MYO9B: variants seen among roughly 807,000 people sequenced by gnomAD.
MYO9B encodes myosin IXB.
In MYO9B, 71 loss-of-function variants were observed where a neutral mutation model predicts 229.5. That is an observed-to-expected ratio of 0.31 (90% CI 0.26 to 0.38). The LOEUF (loss-of-function observed/expected upper bound fraction) is 0.38. Among genes scored for constraint, MYO9B ranks in the 10% least tolerant of loss-of-function variants. MYO9B has a pLI of 1.00. For missense variants in MYO9B, 2,255 were observed against 2,920.5 expected (o/e 0.77, Z 5.25); for synonymous variants, 1,185 against 1,235.8 (o/e 0.96, Z 0.86).
intron 27 of MYO9B, 24 bp from the exon 28 acceptor site, chr19:17,202,106 G>A: frequency 6.2e-7 from 1 of 1,612,792 alleles, no homozygotes; most frequent in Non-Finnish European, 8.5e-7. Flanking sequence ...CAGGCCTGCA[G>A]GGTGACGCCT....
At chr19:17,184,837 C>A in intron 16 of MYO9B, 28 bp from the exon 17 acceptor site, 3 of 1,612,920 alleles carry the variant, frequency 1.9e-6, no homozygotes, top group Non-Finnish European at 2.5e-6. Flanking sequence ...TGTGGGAGGG[C>A]AGGCCGGACC....
At chr19:17,077,258 A>T (rs1415445121) in intron 1 of MYO9B, among the ~76,000 whole-genome samples, 1 of 152,194 alleles carries the variant, frequency 6.6e-6, no homozygotes, top group Non-Finnish European at 1.5e-5. Flanking sequence ...GGGATCTGCC[A>T]GAAGGGCTGG....
At chr19:17,086,604 G>C (rs968622204) in intron 1 of MYO9B, among the ~76,000 whole-genome samples, 6 of 152,214 alleles carry the variant, frequency 3.9e-5, no homozygotes, top group Non-Finnish European at 5.9e-5. Context: ...CCATGGCCAG[G>C]TGCAATGGCT....
intron 2 of MYO9B, among the ~76,000 whole-genome samples, chr19:17,143,473 A>G (rs1303223737): frequency 1.3e-5 from 2 of 152,178 alleles, no homozygotes; most frequent in African/African-American, 4.8e-5. Context: ...GCTGGAGCCC[A>G]TTATCCTTAG....
intron 2 of MYO9B, among the ~76,000 whole-genome samples, chr19:17,140,197 C>T (rs1356680930): frequency 3.9e-5 from 6 of 152,152 alleles, no homozygotes; most frequent in Non-Finnish European, 7.3e-5. Flanking sequence ...CATTGCTGTG[C>T]AGTGCATGAC....
rs2072936999 is a variant in MYO9B, at chr19:17,187,916, T to G, written c.2578-19T>G. On this transcript the variant is annotated intron_variant, in intron 18 of 39. Coordinates refer to ENST00000682292, the MANE Select transcript of MYO9B (RefSeq NM_004145.4). The stretch of plus-strand genomic sequence containing the variant: ...TCAGGTCAAGGCCACCTGCCTGATG[T>G]CTCGCATTCCCATTTCAGAAAGAGC... The G allele has an allele frequency of 1.9e-6, 3 of 1,560,858 alleles. No individual in the cohort carries two copies. The highest frequency in any genetic ancestry group is 2.6e-6 in the Non-Finnish European group (3 of 1,152,038).
At chr19:17,096,490 A>C (rs1053155181) in intron 1 of MYO9B, among the ~76,000 whole-genome samples, 2 of 151,592 alleles carry the variant, frequency 1.3e-5, no homozygotes, top group African/African-American at 2.4e-5. Flanking sequence ...CTCTCTGCAA[A>C]AAAAAAAATA....
intron 2 of MYO9B, among the ~76,000 whole-genome samples, chr19:17,105,450 T>C (rs2057784127): frequency 6.6e-6 from 1 of 152,010 alleles, no homozygotes. Context: ...AGCCAACGTC[T>C]GGCCACTGCA....
At chr19:17,081,274 C>T (rs907624042) in intron 1 of MYO9B, among the ~76,000 whole-genome samples, 6 of 152,120 alleles carry the variant, frequency 3.9e-5, no homozygotes, top group Non-Finnish European at 8.8e-5. Flanking sequence ...GTGATCAGCC[C>T]GCTCGGACTC....
chr19:17,093,702 G>GC (rs201828011), intron 1 of MYO9B, among the ~76,000 whole-genome samples: 3 of 132,578 alleles, frequency 2.3e-5, no homozygotes, highest in Non-Finnish European at 3.3e-5. Context: ...GTGGGGGGGG[G>GC]GGTGGTTTGA....
intron 3 of MYO9B, among the ~76,000 whole-genome samples, chr19:17,151,288 AAG>A (rs1491045817): frequency 1.6e-3 from 183 of 115,166 alleles, no homozygotes; most frequent in African/African-American, 1.5e-3. Context: ...CAAAAAAAAA[AAG>A]AAAGAAAGAA....
intron 24 of MYO9B, among the ~76,000 whole-genome samples, chr19:17,199,955 T>C (rs2073089385): frequency 6.6e-6 from 1 of 151,472 alleles, no homozygotes; most frequent in African/African-American, 2.4e-5. Context: ...ACCTGCAACC[T>C]CCACCTCCTG....
intron 1 of MYO9B, among the ~76,000 whole-genome samples, chr19:17,087,127 C>T (rs2057590662): frequency 6.6e-6 from 1 of 152,168 alleles, no homozygotes; most frequent in African/African-American, 2.4e-5. Context: ...ATTTGTTAAC[C>T]ATATGTTGAA....
chr19:17,198,256 G>A lies in MYO9B; in HGVS notation c.4186G>A (p.Ala1396Thr), dbSNP rs751354042. The change falls in exon 24 of 40, where the codon GCA becomes ACA. Residue 1396 changes from alanine (A) to threonine (T), a missense_variant. Physicochemically the swap from Ala to Thr is moderately conservative, Grantham distance 58 (BLOSUM62 0). Around this residue, in one of 7 missense-constraint regions of MYO9B, gnomAD observed 679 missense variants for 770.2 expected, o/e 0.88. Transcript: ENST00000682292. ...TGTCCAGAAGAAGAAGCCAGGCGAC[G>A]CATCCTCCCTCCCAGACGCAGGGCT... is the stretch of plus-strand genomic sequence containing the variant. Reference protein sequence around the residue: ...PAVQKKKPGDASSLPDAGLSP... With the variant: ...PAVQKKKPGDTSSLPDAGLSP... 7.1e-5 allele frequency: 114 copies of A among 1,613,872 alleles called. 1 individual carries two copies. In the South Asian group the frequency reaches 1.0e-3, roughly 14 times the overall value.
At chr19:17,156,696 G>A (rs1019508917) in intron 6 of MYO9B, among the ~76,000 whole-genome samples, 3 of 152,188 alleles carry the variant, frequency 2.0e-5, no homozygotes, top group South Asian at 2.1e-4. Flanking sequence ...CAACCTAGGC[G>A]ACAGAGCCAG....
chr19:17,157,136 G>T, intron 7 of MYO9B, 98 bp downstream of exon 7: 1 of 1,431,462 alleles, frequency 7.0e-7, no homozygotes, highest in Non-Finnish European at 9.3e-7. Flanking sequence ...TACGTCAGCT[G>T]AGGTTTCATC....
intron 3 of MYO9B, among the ~76,000 whole-genome samples, chr19:17,149,781 G>A (rs2072456683): frequency 6.6e-6 from 1 of 152,192 alleles, no homozygotes; most frequent in East Asian, 1.9e-4. Flanking sequence ...GAGGAGCCCT[G>A]GGTCCCTATA....
chr19:17,193,045 G>A lies in MYO9B; in HGVS notation c.3111G>A (p.Gly1037=), dbSNP rs974297837. ...SIIRLQSLCR[G]HLQRKSFSQM... ...TCCGCCTGCAGAGCCTGTGTCGGGG[G>A]CACCTGCAGCGCAAGAGGTGAGCAG... The change falls in exon 21 of 40, where the codon GGG becomes GGA. Residue 1037 remains glycine (G), a synonymous_variant. Coordinates refer to ENST00000682292, the MANE Select transcript of MYO9B (RefSeq NM_004145.4). This position sits in a 1 kb window ranked among gnomAD's most constrained non-coding sequence, Gnocchi z 4.3. The A allele has an allele frequency of 1.4e-6, 2 of 1,464,324 alleles. No individual in the cohort carries two copies. Among genetic ancestry groups the A allele is most frequent in the Non-Finnish European group, 9.0e-7 (1 of 1,106,886 alleles). 90.7% of individuals were successfully genotyped at this position (1,464,324 alleles called of 1,614,324 possible).
chr19:17,173,179 C>T (rs2072745206), intron 13 of MYO9B, among the ~76,000 whole-genome samples: 1 of 152,064 alleles, frequency 6.6e-6, no homozygotes, highest in Non-Finnish European at 1.5e-5. Flanking sequence ...CTCCATCAGG[C>T]GTCTCCTTTG....
Sources: allele counts gnomAD v4.1 joint callset (sites outside exome capture counted in the v4.1 genomes callset), GRCh38; gene constraint gnomAD v4.1.1; regional missense constraint gnomAD v4.1.1; non-coding constraint Gnocchi (gnomAD v3.1); transcripts MANE v1.5; gene names NCBI Gene and HGNC (gene_info 2026-07-23, HGNC 2026-07-21).